GLCE: variants seen among roughly 807,000 people sequenced by gnomAD.
GLCE encodes glucuronic acid epimerase, also known as D-glucuronyl C5-epimerase.
A neutral mutation model predicts 47.9 loss-of-function variants in GLCE; 19 were observed. The ratio of observed to expected loss-of-function variants is 0.40; its 90% CI spans 0.28 to 0.58. GLCE has a LOEUF of 0.58. Among genes scored for constraint, GLCE ranks in the 20% least tolerant of loss-of-function variants. The pLI is 0.48. For synonymous variants in GLCE, 245 were observed against 263.4 expected (o/e 0.93, Z 0.68); for missense variants, 556 against 743.3 (o/e 0.75, Z 2.93).
chr15:69,264,709 C>T (rs1223911063), intron 4 of GLCE, among the ~76,000 whole-genome samples: 1 of 152,124 alleles, frequency 6.6e-6, no homozygotes, highest in Non-Finnish European at 1.5e-5. Flanking sequence ...CTTATCTCTT[C>T]CCTTTTTTAT....
At chr15:69,210,448 G>A (rs1278052861) in intron 2 of GLCE, 42 bp downstream of exon 2, 3 of 151,984 alleles carry the variant, frequency 2.0e-5, no homozygotes, top group South Asian at 2.1e-4. Flanking sequence ...TTTACTGTAC[G>A]TTTTCAGTGA....
rs374101492 is a variant in GLCE at position 69,261,076 on chromosome 15, C to T, written c.587-11C>T. The T allele has an allele frequency of 1.2e-6, 2 of 1,606,690 alleles. No individual in the cohort carries two copies. Among genetic ancestry groups the T allele is most frequent in the African/African-American group, 2.7e-5 (2 of 74,530 alleles). Reference sequence around the variant, plus strand: ...GGATATGATTATTCATTTTGTTTCTCTATTTTATAGGTGTGCCATTATCTA... The same window carrying T: ...GGATATGATTATTCATTTTGTTTCTTTATTTTATAGGTGTGCCATTATCTA... On this transcript the variant is annotated splice_polypyrimidine_tract_variant and intron_variant, in intron 3 of 4. Coordinates refer to ENST00000261858, the MANE Select transcript of GLCE (RefSeq NM_015554.3).
intron 1 of GLCE, among the ~76,000 whole-genome samples, chr15:69,177,149 A>C (rs747309338): frequency 6.6e-6 from 1 of 151,784 alleles, no homozygotes; most frequent in Non-Finnish European, 1.5e-5. Flanking sequence ...CCTTCCGAGT[A>C]GCTGGGATTA....
rs76940578 is a variant in GLCE, at chr15:69,232,159, A to G, written c.-14+21753A>G. On this transcript the variant is annotated intron_variant, in intron 2 of 4. Coordinates refer to ENST00000261858, the MANE Select transcript of GLCE (RefSeq NM_015554.3). ...GTCTGAGTAATTACCATTTCCTTTTATTTGCAAGAAAATAACAATTTTAAT... is the reference window on the plus strand; with the variant it reads ...GTCTGAGTAATTACCATTTCCTTTTGTTTGCAAGAAAATAACAATTTTAAT... Among the ~76,000 whole-genome samples the G allele has an allele frequency of 5.8e-3, 883 of 152,254 alleles. 3 individuals are homozygous for G. Among genetic ancestry groups the G allele is most frequent in the Middle Eastern group, 0.014 (4 of 292 alleles).
chr15:69,243,179 A>G lies in GLCE; in HGVS notation c.-13-12615A>G, dbSNP rs150751657. Among the ~76,000 whole-genome samples the G allele has an allele frequency of 1.2e-4, 19 of 152,188 alleles. 1 individual carries two copies. In the East Asian group the frequency reaches 2.3e-3, roughly 19 times the overall value. On this transcript the variant is annotated intron_variant, in intron 2 of 4. Coordinates refer to ENST00000261858, the MANE Select transcript of GLCE (RefSeq NM_015554.3). ...AAGACTAAGATTTTCCTACAAAAGT[A>G]TGTCAGGTAGGAGGCCCAGTAGGCT...
intron 1 of GLCE, among the ~76,000 whole-genome samples, chr15:69,176,928 G>A (rs1354139229): frequency 6.6e-6 from 1 of 152,036 alleles, no homozygotes; most frequent in Non-Finnish European, 1.5e-5. Context: ...TGGTTCTTGA[G>A]ACTTAGAGTA....
chr15:69,264,710 C>T (rs1476928727), intron 4 of GLCE, among the ~76,000 whole-genome samples: 2 of 152,134 alleles, frequency 1.3e-5, no homozygotes, highest in Non-Finnish European at 2.9e-5. Flanking sequence ...TTATCTCTTC[C>T]CTTTTTTATG....
At chr15:69,243,462 G>A (rs927161308) in intron 2 of GLCE, among the ~76,000 whole-genome samples, 3 of 150,670 alleles carry the variant, frequency 2.0e-5, no homozygotes, top group South Asian at 2.1e-4. Context: ...TTATTGGCTC[G>A]GCTCAGTGGC....
At chr15:69,227,580 A>C (rs140730302) in intron 2 of GLCE, among the ~76,000 whole-genome samples, 117 of 152,348 alleles carry the variant, frequency 7.7e-4, no homozygotes, top group African/African-American at 2.8e-3. Context: ...GCCGAACATA[A>C]ACCTTGCAAG....
chr15:69,256,306 C>T lies in GLCE; in HGVS notation c.500C>T (p.Pro167Leu). The change falls in exon 3 of 5, where the codon CCC becomes CTC. Residue 167 changes from proline (P) to leucine (L), a missense_variant. Transcript: ENST00000261858. The stretch of plus-strand genomic sequence containing the variant: ...TCCAAAGTCTATGCACAGAGAGCCC[C>T]CTATCACCCCGATGGTGTGTTTATG... ...SYSKVYAQRA[P>L]YHPDGVFMSF... is the part of the protein sequence containing the mutation. The T allele has an allele frequency of 6.2e-7, 1 of 1,613,996 alleles. No individual in the cohort carries two copies. The highest frequency in any genetic ancestry group is 8.5e-7 in the Non-Finnish European group (1 of 1,179,950).
At chr15:69,238,182 G>C (rs994975140) in intron 2 of GLCE, among the ~76,000 whole-genome samples, 6 of 152,148 alleles carry the variant, frequency 3.9e-5, no homozygotes, top group African/African-American at 1.4e-4. Context: ...TTTAGTTTCA[G>C]AAGCTGACGC....
At chr15:69,181,347 G>A (rs1181746015) in intron 1 of GLCE, among the ~76,000 whole-genome samples, 1 of 152,180 alleles carries the variant, frequency 6.6e-6, no homozygotes, top group Non-Finnish European at 1.5e-5. Context: ...CTTCACTAAG[G>A]GAGTAAGCAT....
At chr15:69,177,839 A>T (rs545060475) in intron 1 of GLCE, among the ~76,000 whole-genome samples, 4 of 152,204 alleles carry the variant, frequency 2.6e-5, no homozygotes, top group Non-Finnish European at 4.4e-5. Context: ...CTAGAGTTTT[A>T]TATAAATGGA....
At chr15:69,230,137 G>A (rs1177886407) in intron 2 of GLCE, among the ~76,000 whole-genome samples, 1 of 151,468 alleles carries the variant, frequency 6.6e-6, no homozygotes, top group Non-Finnish European at 1.5e-5. Flanking sequence ...GAACCCAGAA[G>A]GCAGAGGTTA....
chr15:69,202,383 T>C (rs548346921), intron 1 of GLCE, among the ~76,000 whole-genome samples: 19 of 152,272 alleles, frequency 1.2e-4, no homozygotes, highest in African/African-American at 4.6e-4. Context: ...AGATAGACTT[T>C]TAAAATAATG....
At chr15:69,262,618 A>G (rs1370116803) in intron 4 of GLCE, among the ~76,000 whole-genome samples, 1 of 152,174 alleles carries the variant, frequency 6.6e-6, no homozygotes, top group Non-Finnish European at 1.5e-5. Flanking sequence ...TTCATTGTGC[A>G]CTTTTGGGTG....
chr15:69,192,447 CTT>C (rs911750786), intron 1 of GLCE, among the ~76,000 whole-genome samples: 6 of 151,880 alleles, frequency 4.0e-5, no homozygotes, highest in Non-Finnish European at 7.4e-5. Context: ...TGGGTTTTCT[CTT>C]ATGCTGTTGA....
At chr15:69,264,266 T>A (rs2053054732) in intron 4 of GLCE, among the ~76,000 whole-genome samples, 1 of 150,474 alleles carries the variant, frequency 6.6e-6, no homozygotes, top group Admixed American at 6.7e-5. Flanking sequence ...TTTCTCTGAC[T>A]TGTCACACGT....
rs1199259498 is a variant in GLCE at position 69,270,182 on chromosome 15, T to A, written c.*938T>A. On this transcript the variant is annotated 3_prime_UTR_variant, in exon 5 of 5. Transcript: ENST00000261858. ...AGGCCACCACCATATTTTACTTTTT[T>A]AGGATTTTTCCCCCTTTAAATAAAA... 6.7e-6 allele frequency: 1 copy of A among 149,266 alleles called. No individual in the cohort carries two copies. The highest frequency in any genetic ancestry group is 1.5e-5 in the Non-Finnish European group (1 of 66,920). The allele number at this position is 149,266 out of a possible 1,614,324, so 9.2% of individuals were successfully genotyped here. A position where few individuals can be genotyped will look rare whatever the true frequency, so the allele number is the denominator to read the frequency against.
Sources: allele counts gnomAD v4.1 joint callset (sites outside exome capture counted in the v4.1 genomes callset), GRCh38; gene constraint gnomAD v4.1.1; transcripts MANE v1.5; gene names NCBI Gene and HGNC (gene_info 2026-07-23, HGNC 2026-07-21).